ZNF407: variants seen among roughly 807,000 people sequenced by gnomAD.
ZNF407 encodes zinc finger protein 407.
In ZNF407, 17 loss-of-function variants were observed where a neutral mutation model predicts 131.2. The ratio of observed to expected loss-of-function variants is 0.13; its 90% CI spans 0.09 to 0.19. The LOEUF (loss-of-function observed/expected upper bound fraction) is 0.19. ZNF407 is among the 10% of genes least tolerant of loss of function. The pLI is 1.00. For missense variants in ZNF407, 2,681 were observed against 2,830.6 expected (o/e 0.95, Z 1.20); for synonymous variants, 1,156 against 1,062.0 (o/e 1.09, Z -1.72).
intron 3 of ZNF407, among the ~76,000 whole-genome samples, chr18:74,685,850 C>G (rs1230163177): frequency 2.0e-5 from 3 of 152,122 alleles, no homozygotes; most frequent in Non-Finnish European, 4.4e-5. Flanking sequence ...TCCCTTTGCC[C>G]CCATGGCATT....
intron 3 of ZNF407, among the ~76,000 whole-genome samples, chr18:74,677,230 A>G (rs1019489400): frequency 1.3e-5 from 2 of 152,176 alleles, no homozygotes; most frequent in African/African-American, 4.8e-5. Flanking sequence ...AGCTGGGACC[A>G]CAGGCATGTG....
chr18:74,604,406 C>T (rs1475211501), intron 1 of ZNF407, among the ~76,000 whole-genome samples: 1 of 152,214 alleles, frequency 6.6e-6, no homozygotes, highest in Non-Finnish European at 1.5e-5. Flanking sequence ...TCCCAGACCT[C>T]CATAGGCCAC....
At chr18:74,690,912 TCAATA>T (rs1967205360) in intron 3 of ZNF407, among the ~76,000 whole-genome samples, 2 of 152,234 alleles carry the variant, frequency 1.3e-5, no homozygotes, top group African/African-American at 4.8e-5. Flanking sequence ...GTTCAGCTTT[TCAATA>T]CTTGTGGAAC....
In ZNF407 at chr18:74,946,151, A is replaced by G. The variant is rs543696873; in HGVS notation, c.5428+25459A>G. Among the ~76,000 whole-genome samples the G allele has an allele frequency of 3.9e-5, 6 of 152,382 alleles. 1 individual carries two copies. In the South Asian group the frequency reaches 1.2e-3, roughly 32 times the overall value. On this transcript the variant is annotated intron_variant, in intron 8 of 8. Coordinates refer to ENST00000299687, the MANE Select transcript of ZNF407 (RefSeq NM_017757.3). ...ACATAACAGAAAAGCAATGAATTAC[A>G]TATGCAAGAAAAACCTTTTATATAA...
rs75698122 is a variant in ZNF407 at position 75,000,848 on chromosome 18, A to G, written c.5429-62302A>G. ...TTGTGCTTCACCTGAAAGATCATACATATGTGCATCGAATGCTTGGAGAAT... is the reference window on the plus strand; with the variant it reads ...TTGTGCTTCACCTGAAAGATCATACGTATGTGCATCGAATGCTTGGAGAAT... On this transcript the variant is annotated intron_variant, in intron 8 of 8. Transcript: ENST00000299687. Among the ~76,000 whole-genome samples, 414 of 152,342 alleles carry G rather than the reference A, an allele frequency of 2.7e-3. 4 individuals carry two copies. Among genetic ancestry groups the G allele is most frequent in the African/African-American group, 9.5e-3 (395 of 41,580 alleles).
At chr18:74,620,945 C>T (rs1026827185) in intron 1 of ZNF407, among the ~76,000 whole-genome samples, 1 of 152,162 alleles carries the variant, frequency 6.6e-6, no homozygotes, top group African/African-American at 2.4e-5. Flanking sequence ...GCAAGGAACA[C>T]ATGATCAGTT....
At chr18:75,032,719 G>C (rs887818988) in intron 8 of ZNF407, among the ~76,000 whole-genome samples, 2 of 150,894 alleles carry the variant, frequency 1.3e-5, no homozygotes, top group Admixed American at 1.3e-4. Flanking sequence ...AGATAACTAA[G>C]AGTGCTCGGA....
chr18:74,752,551 A>T (rs1968831118), intron 3 of ZNF407, among the ~76,000 whole-genome samples: 1 of 152,092 alleles, frequency 6.6e-6, no homozygotes, highest in African/African-American at 2.4e-5. Context: ...TAATTTTTGT[A>T]TAGGGTGTAA....
chr18:74,875,712 T>C (rs1156228534), intron 4 of ZNF407, among the ~76,000 whole-genome samples: 5 of 152,286 alleles, frequency 3.3e-5, no homozygotes, highest in Admixed American at 1.3e-4. Flanking sequence ...TCTCTAGTAC[T>C]AGTAAGCAAT....
intron 4 of ZNF407, among the ~76,000 whole-genome samples, chr18:74,842,394 A>G (rs1970646224): frequency 6.6e-6 from 1 of 152,206 alleles, no homozygotes; most frequent in Non-Finnish European, 1.5e-5. Context: ...TATATAAAAC[A>G]AAGTATTTCA....
chr18:75,053,162 G>A (rs1028560351), intron 8 of ZNF407, among the ~76,000 whole-genome samples: 2 of 152,096 alleles, frequency 1.3e-5, no homozygotes, highest in South Asian at 2.1e-4. Flanking sequence ...TCAGTGTGCC[G>A]TGCATAGCTG....
chr18:74,942,444 C>T (rs1972109940), intron 8 of ZNF407, among the ~76,000 whole-genome samples: 1 of 152,166 alleles, frequency 6.6e-6, no homozygotes, highest in South Asian at 2.1e-4. Context: ...GATCAGAGAG[C>T]TAAACAGGAA....
intron 3 of ZNF407, among the ~76,000 whole-genome samples, chr18:74,666,353 C>G (rs765718620): frequency 6.6e-6 from 1 of 152,034 alleles, no homozygotes; most frequent in Admixed American, 6.5e-5. Context: ...TGGGTGGGCC[C>G]GAGGTTCCTG....
Position 74,631,191 on chromosome 18 carries a change from A to G in ZNF407, c.172A>G (p.Asn58Asp). 3 of 1,614,014 alleles carry G rather than the reference A, an allele frequency of 1.9e-6. No individual in the cohort carries two copies. Among genetic ancestry groups the G allele is most frequent in the Non-Finnish European group, 2.5e-6 (3 of 1,179,888 alleles). Residue 58 changes from asparagine to aspartate, a missense_variant, in exon 2 of 9, where the codon AAC (asparagine) becomes GAC (aspartate). This residue lies in a region of ZNF407 where 1,789 missense variants were observed against 1,748.7 expected (regional missense o/e 1.02). Coordinates refer to ENST00000299687, the MANE Select transcript of ZNF407 (RefSeq NM_017757.3). ...MGKRGFSESSNSDSVVIGEDR... is the reference protein window; with the variant it reads ...MGKRGFSESSDSDSVVIGEDR... ...CAAAAGAGGTTTTTCAGAATCATCGAACTCTGATAGTGTTGTTATAGGAGA... is the reference window on the plus strand; with the variant it reads ...CAAAAGAGGTTTTTCAGAATCATCGGACTCTGATAGTGTTGTTATAGGAGA...
At chr18:74,759,502 G>A (rs1969043125) in intron 3 of ZNF407, among the ~76,000 whole-genome samples, 1 of 151,580 alleles carries the variant, frequency 6.6e-6, no homozygotes, top group African/African-American at 2.4e-5. Flanking sequence ...ATTGTTTCCT[G>A]GTCATTTTTC....
chr18:74,684,053 C>A (rs1373527110), intron 3 of ZNF407, among the ~76,000 whole-genome samples: 2 of 152,070 alleles, frequency 1.3e-5, no homozygotes, highest in Admixed American at 6.6e-5. Flanking sequence ...TCTGTGATAT[C>A]ATATATTAGT....
rs142796802 is a variant in ZNF407 at position 75,025,556 on chromosome 18, C to G, written c.5429-37594C>G. Among the ~76,000 whole-genome samples the G allele has an allele frequency of 2.1e-3, 318 of 152,338 alleles. 6 individuals are homozygous for G. The highest frequency in any genetic ancestry group is 7.2e-3 in the African/African-American group (300 of 41,580). ...TGTGTACAACATTTCACTTCACACT[C>G]TTCACCACTAGTTTCCTTTCCCTTC... On this transcript the variant is annotated intron_variant, in intron 8 of 8. Coordinates refer to ENST00000299687, the MANE Select transcript of ZNF407 (RefSeq NM_017757.3).
intron 3 of ZNF407, among the ~76,000 whole-genome samples, chr18:74,732,200 G>A (rs1968310002): frequency 2.0e-5 from 3 of 152,154 alleles, no homozygotes; most frequent in Non-Finnish European, 4.4e-5. Flanking sequence ...AATGAATGGG[G>A]AACGTCAGAC....
chr18:74,875,193 CT>C (rs1000683490), intron 4 of ZNF407, among the ~76,000 whole-genome samples: 1 of 152,106 alleles, frequency 6.6e-6, no homozygotes, highest in Non-Finnish European at 1.5e-5. Context: ...AATACCGGTT[CT>C]TTTTTAAGTG....
Sources: gnomAD v4.1 joint callset for allele counts (sites outside exome capture counted in the v4.1 genomes callset) on GRCh38, gnomAD v4.1.1 for gene constraint, gnomAD v4.1.1 regional missense constraint, MANE v1.5 for transcripts, NCBI Gene and HGNC (gene_info 2026-07-23, HGNC 2026-07-21) for gene names.